Variants in CUX2 observed in about 807,000 individuals in gnomAD.
CUX2 encodes the protein homeobox protein cut-like 2.
In CUX2, 40 loss-of-function variants were observed where a neutral mutation model predicts 144.8. That is an observed-to-expected ratio of 0.28 (90% CI 0.21 to 0.36). CUX2 has a LOEUF of 0.36. Among genes scored for constraint, CUX2 ranks in the 10% least tolerant of loss-of-function variants. The probability of loss-of-function intolerance (pLI) is 1.00; values close to 1 mark genes in which losing one functional copy is unlikely to be tolerated. For missense variants in CUX2, 1,615 were observed against 1,994.0 expected, an observed-to-expected ratio of 0.81 and a Z score of 3.62; for synonymous variants, 827 against 875.6, an observed-to-expected ratio of 0.94 and a Z score of 0.98.
chr12:111,054,022 C>CGG (rs1870403651), intron 1 of CUX2, among the ~76,000 whole-genome samples: 1 of 152,118 alleles, frequency 6.6e-6, no homozygotes, highest in Non-Finnish European at 1.5e-5. Context: ...GGCATGGTGG[C>CGG]ACACGCCTGT....
intron 3 of CUX2, among the ~76,000 whole-genome samples, chr12:111,249,437 C>CA: frequency 9.9e-6 from 1 of 101,202 alleles, no homozygotes; most frequent in African/African-American, 5.3e-5. Flanking sequence ...TTAATAGACC[C>CA]TTTTTTTGTT....
rs1277491075 is a variant in CUX2, at chr12:111,061,055, T to C, written c.63+26815T>C. On this transcript the variant is annotated intron_variant, in intron 1 of 21. Transcript: ENST00000261726. The surrounding 1 kb of genome is among the most constrained non-coding windows in gnomAD (Gnocchi z 4.2). ...ACCTCCAGCTGGCCCTGCTGCCCCCTCCCCCGCTTCCTTGGGGCTGTTCAT... is the reference window on the plus strand; with the variant it reads ...ACCTCCAGCTGGCCCTGCTGCCCCCCCCCCCGCTTCCTTGGGGCTGTTCAT... Among the ~76,000 whole-genome samples, 1 of 151,938 alleles carries C rather than the reference T, an allele frequency of 6.6e-6. No individual in the cohort carries two copies. The highest frequency in any genetic ancestry group is 1.5e-5 in the Non-Finnish European group (1 of 67,986).
chr12:111,267,195 CAAAAA>C lies in CUX2; in HGVS notation c.301+3374_301+3378del, dbSNP rs11290695. Among the ~76,000 whole-genome samples, 13 of 66,350 alleles carry C rather than the reference CAAAAA, an allele frequency of 2.0e-4. No individual in the cohort carries two copies. In the Admixed American group the frequency reaches 2.0e-3, roughly 10 times the overall value. 43.5% of individuals were successfully genotyped at this position (66,350 alleles called of 152,430 possible). ...CCTGGGTGACAGAGCAAGACCCTGT[CAAAAA>C]AAAAAAAAAAAAAAAAAGAAAGAAA... On this transcript the variant is annotated intron_variant, in intron 4 of 21. Coordinates refer to ENST00000261726, the MANE Select transcript of CUX2 (RefSeq NM_015267.4).
Position 111,320,189 on chromosome 12 carries a change from C to A in CUX2, c.2180C>A (p.Pro727His). 6.5e-7 allele frequency: 1 copy of A among 1,532,530 alleles called. No homozygotes were observed. The highest frequency in any genetic ancestry group is 2.4e-5 in the East Asian group (1 of 41,314). The allele number at this position is 1,532,530 out of a possible 1,614,324, so 94.9% of individuals were successfully genotyped here. The change falls in exon 17 of 22, where the codon CCC becomes CAC. Residue 727 changes from proline (P) to histidine (H), a missense_variant. This residue lies in a region of CUX2 where 390 missense variants were observed against 387.1 expected (regional missense o/e 1.01). Coordinates refer to ENST00000261726, the MANE Select transcript of CUX2 (RefSeq NM_015267.4). This position sits in a 1 kb window ranked among gnomAD's most constrained non-coding sequence, Gnocchi z 8.1. Reference protein sequence around the residue: ...APRGRSVPPSPPERPSLATAS... With the variant: ...APRGRSVPPSHPERPSLATAS... ...AGGGGCCGCTCGGTGCCCCCCTCGC[C>A]CCCGGAGCGGCCATCACTGGCCACC...
intron 4 of CUX2, among the ~76,000 whole-genome samples, chr12:111,286,850 C>A (rs1885412061): frequency 6.6e-6 from 1 of 152,144 alleles, no homozygotes; most frequent in African/African-American, 2.4e-5. Flanking sequence ...GCCTGGGCAA[C>A]AGAGCAAGAC....
In CUX2 at chr12:111,185,817, G is replaced by C. The variant is rs112221492; in HGVS notation, c.64-28383G>C. 4.7e-3 allele frequency among the ~76,000 whole-genome samples: 710 copies of C among 152,276 alleles called. 12 individuals carry two copies. Among genetic ancestry groups the C allele is most frequent in the African/African-American group, 0.016 (681 of 41,556 alleles). On this transcript the variant is annotated intron_variant, in intron 1 of 21. Transcript: ENST00000261726. ...AGGGGGACAAGCTGGGGGCTTGACA[G>C]TACCTGCCTGTGTCAGCTCCACGGT...
At chr12:111,270,264 C>G (rs1197996298) in intron 4 of CUX2, 2 of 152,158 alleles carry the variant, frequency 1.3e-5, no homozygotes, top group African/African-American at 4.8e-5. Flanking sequence ...TCCCCGCCAC[C>G]CGAAGCCACA....
At chr12:111,124,905 G>C (rs1222333690) in intron 1 of CUX2, among the ~76,000 whole-genome samples, 1 of 152,176 alleles carries the variant, frequency 6.6e-6, no homozygotes, top group Non-Finnish European at 1.5e-5. Context: ...TTAGTCTTCT[G>C]TTCCTATGTT....
At position 111,295,927 on chromosome 12, in the gene CUX2, A is replaced by G. The variant is rs1348717070; in HGVS notation, c.637+518A>G. 6.6e-6 allele frequency among the ~76,000 whole-genome samples: 1 copy of G among 152,058 alleles called. No individual in the cohort carries two copies. Among genetic ancestry groups the G allele is most frequent in the Non-Finnish European group, 1.5e-5 (1 of 68,000 alleles). ...CTTAGTACCAGCCAGGCGCTACCAT[A>G]TGGTCCCCTGTGGCCAGGCCCTTCC... On this transcript the variant is annotated intron_variant, in intron 7 of 21. Transcript: ENST00000261726. This position sits in a 1 kb window ranked among gnomAD's most constrained non-coding sequence, Gnocchi z 5.0.
intron 3 of CUX2, among the ~76,000 whole-genome samples, chr12:111,232,239 G>T (rs561427484): frequency 2.0e-4 from 31 of 151,878 alleles, no homozygotes; most frequent in Admixed American, 9.8e-4. Context: ...AGGAGGGTTG[G>T]GCACAATGGT....
At chr12:111,281,446 G>A (rs1002511207) in intron 4 of CUX2, among the ~76,000 whole-genome samples, 1 of 152,216 alleles carries the variant, frequency 6.6e-6, no homozygotes, top group Non-Finnish European at 1.5e-5. Context: ...CAGGGTCGGT[G>A]TTGATGGAAA....
intron 1 of CUX2, among the ~76,000 whole-genome samples, chr12:111,175,246 A>T (rs911345070): frequency 2.0e-5 from 3 of 152,194 alleles, no homozygotes; most frequent in African/African-American, 7.2e-5. Context: ...CCAATTCCTC[A>T]GTAAAGACCC....
Position 111,307,312 on chromosome 12 carries a change from C to A in CUX2, c.1109+55C>A. Reference sequence around the variant, plus strand: ...CTCAGTGCTCTTCCCTGGCCAGGAGCTCTTGGCAAAGTTCATCATCTTCCT... The same window carrying A: ...CTCAGTGCTCTTCCCTGGCCAGGAGATCTTGGCAAAGTTCATCATCTTCCT... On this transcript the variant is annotated intron_variant, in intron 12 of 21. Coordinates refer to ENST00000261726, the MANE Select transcript of CUX2 (RefSeq NM_015267.4). The surrounding 1 kb of genome is among the most constrained non-coding windows in gnomAD (Gnocchi z 4.1). 2 of 1,536,496 alleles carry A rather than the reference C, an allele frequency of 1.3e-6. No homozygotes were observed. Among genetic ancestry groups the A allele is most frequent in the Non-Finnish European group, 1.8e-6 (2 of 1,117,414 alleles).
intron 1 of CUX2, among the ~76,000 whole-genome samples, chr12:111,046,100 GACA>G (rs1869982387): frequency 6.6e-6 from 1 of 152,176 alleles, no homozygotes; most frequent in Admixed American, 6.5e-5. Flanking sequence ...ACCCTGTAAG[GACA>G]GGAATCTAAC....
chr12:111,278,265 A>C (rs527835075), intron 4 of CUX2, among the ~76,000 whole-genome samples: 11 of 152,312 alleles, frequency 7.2e-5, no homozygotes, highest in Admixed American at 2.6e-4. Flanking sequence ...AAAATTAAAA[A>C]ATTATCTGGA....
At chr12:111,243,268 C>T (rs1234194666) in intron 3 of CUX2, among the ~76,000 whole-genome samples, 1 of 152,126 alleles carries the variant, frequency 6.6e-6, no homozygotes, top group Non-Finnish European at 1.5e-5. Context: ...TTGAAGAAAA[C>T]TCAAGTCATT....
At chr12:111,119,785 C>T (rs547933658) in intron 1 of CUX2, among the ~76,000 whole-genome samples, 3 of 152,324 alleles carry the variant, frequency 2.0e-5, no homozygotes, top group Non-Finnish European at 4.4e-5. Flanking sequence ...GAACTGGGCA[C>T]AGTGGCTTGC....
rs948170247 is a variant in CUX2 at position 111,077,923 on chromosome 12, A to C, written c.63+43683A>C. 6.1e-4 allele frequency among the ~76,000 whole-genome samples: 93 copies of C among 152,248 alleles called. 1 individual carries two copies. The highest frequency in any genetic ancestry group is 2.2e-3 in the African/African-American group (92 of 41,464). On this transcript the variant is annotated intron_variant, in intron 1 of 21. Transcript: ENST00000261726. This position sits in a 1 kb window ranked among gnomAD's most constrained non-coding sequence, Gnocchi z 4.1. Reference sequence around the variant, plus strand: ...GAAAAGCATTTATTTGTCAATGAAGAAATTTTTGCTTAATGTAACAGCAAG... The same window carrying C: ...GAAAAGCATTTATTTGTCAATGAAGCAATTTTTGCTTAATGTAACAGCAAG...
chr12:111,340,435 G>A (rs1470526700), intron 20 of CUX2, among the ~76,000 whole-genome samples: 1 of 152,166 alleles, frequency 6.6e-6, no homozygotes, highest in Non-Finnish European at 1.5e-5. Context: ...TAGGCTAGAT[G>A]TGGCGGCTCA....
Sources: allele counts gnomAD v4.1 joint callset (sites outside exome capture counted in the v4.1 genomes callset), GRCh38; gene constraint gnomAD v4.1.1; regional missense constraint gnomAD v4.1.1; non-coding constraint Gnocchi (gnomAD v3.1); transcripts MANE v1.5; gene names NCBI Gene and HGNC (gene_info 2026-07-23, HGNC 2026-07-21).